Variants in PKD1L1 observed in about 807,000 individuals in gnomAD.
PKD1L1 encodes the protein polycystin 1 like 1, transient receptor potential channel interacting.
PKD1L1 carries 236 observed loss-of-function variants against 323.4 expected under a neutral mutation model. The ratio of observed to expected loss-of-function variants is 0.73; its 90% CI spans 0.66 to 0.81. PKD1L1 has a LOEUF of 0.81. Among genes scored for constraint, PKD1L1 ranks in the 40% least tolerant of loss-of-function variants. The pLI, the probability that PKD1L1 is intolerant of heterozygous loss-of-function variation, is 0.00. For missense variants in PKD1L1, 3,320 were observed against 3,508.0 expected, an observed-to-expected ratio of 0.95 and a Z score of 1.35; for synonymous variants, 1,344 against 1,335.0, an observed-to-expected ratio of 1.01 and a Z score of -0.15.
chr7:47,777,169 G>C (rs1411052816), intron 56 of PKD1L1, among the ~76,000 whole-genome samples: 1 of 152,222 alleles, frequency 6.6e-6, no homozygotes, highest in Non-Finnish European at 1.5e-5. Flanking sequence ...TGGGATTACA[G>C]GCGCGAGCCA....
chr7:47,861,320 C>T (rs923442683), intron 26 of PKD1L1, among the ~76,000 whole-genome samples: 30 of 152,304 alleles, frequency 2.0e-4, no homozygotes, highest in Middle Eastern at 3.4e-3. Flanking sequence ...AACAAAGTCA[C>T]GTACAAATTT....
chr7:47,854,964 C>T lies in PKD1L1; in HGVS notation c.4777G>A (p.Glu1593Lys), dbSNP rs374216207. The change falls in exon 30 of 57, where the codon GAA becomes AAA. Residue 1593 changes from glutamate to lysine, a missense_variant. Glu to Lys is a moderately conservative substitution (Grantham distance 56). Coordinates refer to ENST00000289672, the MANE Select transcript of PKD1L1 (RefSeq NM_138295.5). ...VNLHQFTELS[E>K]NPQESLQIEI... is the part of the protein sequence containing the mutation. ...ATCTGTAGAGATTCCTGGGGGTTTT[C>T]GGAAAGCTCAGTGAACTGATGGAGA... is the stretch of plus-strand genomic sequence containing the variant. The T allele has an allele frequency of 4.8e-5, 78 of 1,613,846 alleles. No homozygotes were observed. In the South Asian group the frequency reaches 7.0e-4, roughly 15 times the overall value.
chr7:47,939,819 C>A (rs927412047), intron 3 of PKD1L1, among the ~76,000 whole-genome samples: 19 of 151,882 alleles, frequency 1.3e-4, no homozygotes, highest in African/African-American at 4.6e-4. Flanking sequence ...AGCCCCCACT[C>A]CCCGCTTGAG....
intron 55 of PKD1L1, among the ~76,000 whole-genome samples, chr7:47,794,364 C>T (rs1333695214): frequency 6.6e-6 from 1 of 152,188 alleles, no homozygotes; most frequent in African/African-American, 2.4e-5. Context: ...GTCCCAGTTG[C>T]TCCAGCCATG....
At chr7:47,928,806 GTGTGTGTGCATA>G (rs139335152) in intron 7 of PKD1L1, among the ~76,000 whole-genome samples, 2,748 of 140,530 alleles carry the variant, frequency 0.02, 25 homozygotes, top group African/African-American at 0.03. Context: ...ATAGAACATT[GTGTGTGTGCATA>G]TGTGTGTGCA....
chr7:47,825,688 T>C (rs1259640119), intron 45 of PKD1L1, among the ~76,000 whole-genome samples: 3 of 152,196 alleles, frequency 2.0e-5, no homozygotes, highest in Non-Finnish European at 4.4e-5. Context: ...ATTTTCCCTT[T>C]TTGTGTCTGG....
At chr7:47,834,314 C>G (rs1785410121) in intron 40 of PKD1L1, 25 bp downstream of exon 40, 1 of 1,608,498 alleles carries the variant, frequency 6.2e-7, no homozygotes, top group Non-Finnish European at 8.5e-7. Flanking sequence ...AGAAGATTAG[C>G]TGCTGCGCAT....
chr7:47,949,036 G>A (rs533465481), upstream of PKD1L1, among the ~76,000 whole-genome samples: 10 of 152,160 alleles, frequency 6.6e-5, no homozygotes, highest in Non-Finnish European at 1.3e-4. Context: ...ACTCAAGGGA[G>A]AGACTGTACA....
chr7:47,923,121 T>A (rs1787586877), intron 7 of PKD1L1, among the ~76,000 whole-genome samples: 1 of 152,098 alleles, frequency 6.6e-6, no homozygotes, highest in Admixed American at 6.5e-5. Flanking sequence ...GTTAAACAGA[T>A]GCTTGAAGGC....
intron 25 of PKD1L1, 46 bp downstream of exon 25, chr7:47,866,373 T>C: frequency 6.3e-7 from 1 of 1,575,568 alleles, no homozygotes; most frequent in Non-Finnish European, 8.6e-7. Context: ...CCCTGCCACT[T>C]GATAAAGGTT....
chr7:47,778,025 G>A lies in PKD1L1; in HGVS notation c.8527-2859C>T. 1.3e-5 allele frequency among the ~76,000 whole-genome samples: 2 copies of A among 152,168 alleles called. 1 individual carries two copies. The highest frequency in any genetic ancestry group is 2.9e-5 in the Non-Finnish European group (2 of 68,030). ...GAGGGACAGACAGAGATGGATGCTGGTAGCCATCAACATTTAGCATAGCAC... is the reference window on the plus strand; with the variant it reads ...GAGGGACAGACAGAGATGGATGCTGATAGCCATCAACATTTAGCATAGCAC... On this transcript the variant is annotated intron_variant, in intron 56 of 56. Transcript: ENST00000289672.
chr7:47,924,937 A>C (rs1787629128), intron 7 of PKD1L1, among the ~76,000 whole-genome samples: 1 of 152,220 alleles, frequency 6.6e-6, no homozygotes, highest in African/African-American at 2.4e-5. Flanking sequence ...TGGAGAGGTC[A>C]AATTGGAAAT....
the PKD1L1 span, among the ~76,000 whole-genome samples, chr7:47,959,093 G>A: frequency 1.3e-5 from 2 of 152,244 alleles, no homozygotes; most frequent in Non-Finnish European, 2.9e-5. Context: ...CGAGGTGCCG[G>A]GATTGCAGAT....
At chr7:47,890,375 C>T (rs2128748626) in intron 16 of PKD1L1, among the ~76,000 whole-genome samples, 167 bp downstream of exon 16, 1 of 152,328 alleles carries the variant, frequency 6.6e-6, no homozygotes, top group African/African-American at 2.4e-5. Context: ...GGGACTGCTT[C>T]CCCAGCCGCT....
Position 47,885,916 on chromosome 7 carries a change from G to A in PKD1L1, c.2975C>T (p.Pro992Leu). Residue 992 changes from proline to leucine, a missense_variant, in exon 18 of 57, where the codon CCT (proline) becomes CTT (leucine). By Grantham distance (98) the Pro-to-Leu change is moderately conservative. Coordinates refer to ENST00000289672, the MANE Select transcript of PKD1L1 (RefSeq NM_138295.5). ...DATTTPFSRE[P>L]SPVTLGQPAT... The stretch of plus-strand genomic sequence containing the variant: ...AGGTTGGCCAAGGGTCACGGGTGAA[G>A]GTTCCCGTGAGAATGGTGTGGTCGT... The A allele has an allele frequency of 6.2e-7, 1 of 1,614,188 alleles. No individual in the cohort carries two copies. Among genetic ancestry groups the A allele is most frequent in the Non-Finnish European group, 8.5e-7 (1 of 1,180,036 alleles).
chr7:47,893,875 C>T lies in PKD1L1; in HGVS notation c.2453+3G>A, dbSNP rs148317193. On this transcript the variant is annotated splice_donor_region_variant and intron_variant, in intron 15 of 56. Coordinates refer to ENST00000289672, the MANE Select transcript of PKD1L1 (RefSeq NM_138295.5). ...CGCAGCTCTGTGTGGGGGTGGTGCTCACCTGAGAGTCGCCCCAGGGTCGTC... is the reference window on the plus strand; with the variant it reads ...CGCAGCTCTGTGTGGGGGTGGTGCTTACCTGAGAGTCGCCCCAGGGTCGTC... The T allele has an allele frequency of 9.3e-4, 1,504 of 1,612,144 alleles. 6 individuals carry two copies. The Middle Eastern group carries it at 0.012, about 13-fold the overall frequency.
intron 26 of PKD1L1, among the ~76,000 whole-genome samples, chr7:47,859,503 G>C (rs1785978401): frequency 6.6e-6 from 1 of 151,584 alleles, no homozygotes; most frequent in African/African-American, 2.4e-5. Flanking sequence ...TTTAGAGATG[G>C]GGTCTCACTC....
chr7:47,854,539 G>A (rs1247055914), intron 30 of PKD1L1, among the ~76,000 whole-genome samples: 1 of 151,834 alleles, frequency 6.6e-6, no homozygotes, highest in East Asian at 1.9e-4. Context: ...AGTTTCCTTA[G>A]ATATATAAAT....
chr7:47,945,161 A>G (rs1788069629), intron 1 of PKD1L1, among the ~76,000 whole-genome samples: 1 of 152,184 alleles, frequency 6.6e-6, no homozygotes, highest in Admixed American at 6.5e-5. Flanking sequence ...CATTCTAGAA[A>G]GGGCCGCCCT....
Sources: allele counts gnomAD v4.1 joint callset (sites outside exome capture counted in the v4.1 genomes callset), GRCh38; gene constraint gnomAD v4.1.1; transcripts MANE v1.5; gene names NCBI Gene and HGNC (gene_info 2026-07-23, HGNC 2026-07-21).